ENTREP2: variants seen among roughly 807,000 people sequenced by gnomAD.
ENTREP2 encodes the protein endosomal transmembrane epsin interactor 2, also known as protein ENTREP2.
At chr15:29,505,243 C>T in the ENTREP2 span, among the ~76,000 whole-genome samples, 1 of 152,240 alleles carries the variant, frequency 6.6e-6, no homozygotes, top group Non-Finnish European at 1.5e-5. This position sits in a 1 kb window ranked among gnomAD's most constrained non-coding sequence, Gnocchi z 4.3. Flanking sequence ...GAAAGAAAAA[C>T]AGCAGCACCC....
chr15:29,652,727 G>C, the ENTREP2 span, among the ~76,000 whole-genome samples: 12 of 152,234 alleles, frequency 7.9e-5, no homozygotes, highest in African/African-American at 2.4e-4. Flanking sequence ...CTGGTACCTG[G>C]AAACTGCTCC....
the ENTREP2 span, among the ~76,000 whole-genome samples, chr15:29,160,509 A>G: frequency 6.6e-6 from 1 of 151,900 alleles, no homozygotes; most frequent in Non-Finnish European, 1.5e-5. Context: ...AGGAGTTTGA[A>G]ACCAGCCTGG....
the ENTREP2 span, among the ~76,000 whole-genome samples, chr15:29,608,206 C>G: frequency 6.6e-6 from 1 of 152,140 alleles, no homozygotes; most frequent in South Asian, 2.1e-4. Context: ...AGGATCAATA[C>G]TTTGCATCCT....
the ENTREP2 span, among the ~76,000 whole-genome samples, chr15:29,150,421 T>G: frequency 6.6e-6 from 1 of 152,260 alleles, no homozygotes; most frequent in Non-Finnish European, 1.5e-5. Context: ...TTTTAGCATT[T>G]ACATGCCTTT....
At chr15:29,403,938 C>A in the ENTREP2 span, among the ~76,000 whole-genome samples, 1 of 152,192 alleles carries the variant, frequency 6.6e-6, no homozygotes, top group African/African-American at 2.4e-5. Flanking sequence ...CCTGGCTGGC[C>A]GCTGCAGGGC....
the ENTREP2 span, among the ~76,000 whole-genome samples, chr15:29,232,974 T>A: frequency 4.6e-5 from 7 of 152,362 alleles, no homozygotes; most frequent in African/African-American, 1.2e-4. Context: ...CTTTTTAGTT[T>A]TTGAATAGTC....
the ENTREP2 span, among the ~76,000 whole-genome samples, chr15:29,170,490 T>G: frequency 6.6e-6 from 1 of 152,132 alleles, no homozygotes. Context: ...CTTGTAGTCA[T>G]GAATAGGAAG....
At chr15:29,392,845 T>TC in the ENTREP2 span, among the ~76,000 whole-genome samples, 1 of 152,186 alleles carries the variant, frequency 6.6e-6, no homozygotes, top group Non-Finnish European at 1.5e-5. Flanking sequence ...TTCCACATAT[T>TC]CCCCACACAT....
chr15:29,453,793 T>C, the ENTREP2 span, among the ~76,000 whole-genome samples: 3 of 152,200 alleles, frequency 2.0e-5, no homozygotes. Context: ...TCATTTAAAA[T>C]AACATGAGAC....
the ENTREP2 span, among the ~76,000 whole-genome samples, chr15:29,330,010 T>C: frequency 2.6e-5 from 4 of 152,110 alleles, no homozygotes; most frequent in Non-Finnish European, 5.9e-5. Flanking sequence ...GAATACAATA[T>C]AGGAAGGTGG....
chr15:29,403,411 T>C, the ENTREP2 span, among the ~76,000 whole-genome samples: 7 of 152,176 alleles, frequency 4.6e-5, no homozygotes, highest in South Asian at 8.3e-4. Context: ...TCTCTTCTTT[T>C]AGAAATCTCC....
the ENTREP2 span, among the ~76,000 whole-genome samples, chr15:29,359,451 C>G: frequency 6.6e-6 from 1 of 152,206 alleles, no homozygotes; most frequent in Non-Finnish European, 1.5e-5. Context: ...CTTGCTCTGT[C>G]CCCCAGGCTG....
At chr15:29,619,823 G>A in the ENTREP2 span, among the ~76,000 whole-genome samples, 1 of 151,980 alleles carries the variant, frequency 6.6e-6, no homozygotes, top group Non-Finnish European at 1.5e-5. Context: ...CGTGCCTGGA[G>A]GTTCTCCTGT....
At chr15:29,408,727 T>C in the ENTREP2 span, among the ~76,000 whole-genome samples, 2 of 152,196 alleles carry the variant, frequency 1.3e-5, no homozygotes, top group African/African-American at 2.4e-5. Flanking sequence ...CCCAATTTCA[T>C]CTTTCAAGCC....
At chr15:29,155,088 C>G in the ENTREP2 span, among the ~76,000 whole-genome samples, 829 of 151,296 alleles carry the variant, frequency 5.5e-3, 5 homozygotes, top group African/African-American at 0.019. Flanking sequence ...CGAGACCATC[C>G]TGGCTAACAC....
At chr15:29,458,194 C>T in the ENTREP2 span, among the ~76,000 whole-genome samples, 2 of 152,178 alleles carry the variant, frequency 1.3e-5, no homozygotes, top group South Asian at 2.1e-4. Context: ...CACCGATGTC[C>T]GAAGGCAGGA....
chr15:29,574,428 G>A, the ENTREP2 span, among the ~76,000 whole-genome samples: 1 of 152,082 alleles, frequency 6.6e-6, no homozygotes, highest in African/African-American at 2.4e-5. Flanking sequence ...TGAGTAGCTG[G>A]GACTACAGGC....
At chr15:29,381,166 GC>G in the ENTREP2 span, among the ~76,000 whole-genome samples, 4 of 141,696 alleles carry the variant, frequency 2.8e-5, no homozygotes, top group Non-Finnish European at 6.2e-5. Flanking sequence ...CTTTTAAAAT[GC>G]CCTTGTTGGC....
At chr15:29,654,477 G>A in the ENTREP2 span, among the ~76,000 whole-genome samples, 1 of 152,038 alleles carries the variant, frequency 6.6e-6, no homozygotes, top group South Asian at 2.1e-4. Context: ...TACTGAATCT[G>A]GTCAGTTTTT....
Sources: gnomAD v4.1 joint callset for allele counts (sites outside exome capture counted in the v4.1 genomes callset) on GRCh38, gnomAD v4.1.1 for gene constraint, Gnocchi (gnomAD v3.1) non-coding constraint, MANE v1.5 for transcripts, NCBI Gene and HGNC (gene_info 2026-07-23, HGNC 2026-07-21) for gene names.